Variants in NUB1 observed in about 807,000 individuals in gnomAD.
NUB1 encodes NEDD8 ultimate buster 1.
NUB1 carries 41 observed loss-of-function variants against 77.1 expected under a neutral mutation model. The observed-to-expected ratio is 0.53, with a 90% confidence interval of 0.41 to 0.69. NUB1 has a LOEUF of 0.69. NUB1 is among the 30% of genes least tolerant of loss of function. NUB1 has a pLI of 0.00. For synonymous variants in NUB1, 257 were observed against 281.0 expected, an observed-to-expected ratio of 0.91 and a Z score of 0.85; for missense variants, 643 against 743.8, an observed-to-expected ratio of 0.86 and a Z score of 1.58.
intron 8 of NUB1, among the ~76,000 whole-genome samples, chr7:151,363,750 T>C (rs1477912765): frequency 7.6e-5 from 11 of 145,050 alleles, no homozygotes; most frequent in Admixed American, 7.3e-4. Flanking sequence ...TAACCTTTCT[T>C]GAAAAAAGTT....
At position 151,375,772 on chromosome 7, in the gene NUB1, A is replaced by G. The variant is rs1798187927; in HGVS notation, c.1396-76A>G. Reference sequence around the variant, plus strand: ...GAGGACGGCGGGGTCTGCCTAGCACATGGCAGGGTGCAGCGCCTGTCTGAA... The same window carrying G: ...GAGGACGGCGGGGTCTGCCTAGCACGTGGCAGGGTGCAGCGCCTGTCTGAA... On this transcript the variant is annotated intron_variant, in intron 12 of 14. Transcript: ENST00000568733. 3.2e-5 allele frequency: 31 copies of G among 977,436 alleles called. No homozygotes were observed. The South Asian group carries it at 3.7e-4, about 12-fold the overall frequency. 60.5% of individuals were successfully genotyped at this position (977,436 alleles called of 1,614,324 possible).
At position 151,341,854 on chromosome 7, in the gene NUB1, C is replaced by T; in HGVS notation, c.-3+8C>T. The T allele has an allele frequency of 1.3e-6, 2 of 1,498,900 alleles. No homozygotes were observed. The highest frequency in any genetic ancestry group is 1.8e-6 in the Non-Finnish European group (2 of 1,133,474). The allele number at this position is 1,498,900 out of a possible 1,614,324, so 92.9% of individuals were successfully genotyped here. The stretch of plus-strand genomic sequence containing the variant: ...GGGAGTGGCGTGGCGCAGGTGAGGA[C>T]ACGGCGGCCGAGTGTCCTCGACCCC... On this transcript the variant is annotated splice_region_variant and intron_variant, in intron 1 of 14. Coordinates refer to ENST00000568733, the MANE Select transcript of NUB1 (RefSeq NM_001243351.2).
chr7:151,371,363 A>ACCCC (rs57489077), intron 11 of NUB1, among the ~76,000 whole-genome samples: 3 of 118,770 alleles, frequency 2.5e-5, no homozygotes, highest in East Asian at 2.5e-4. Context: ...TTTTACCCCC[A>ACCCC]CCCCCCACCC....
In NUB1 at chr7:151,348,977, A is replaced by G. The variant is rs142590700; in HGVS notation, c.118-96A>G. ...CAGTGTAACGGGGCGACCTCCACTC[A>G]TCAGAGTTGATGGCCTTAGAGTCTT... On this transcript the variant is annotated intron_variant, in intron 2 of 14. Transcript: ENST00000568733. 2.0e-4 allele frequency: 223 copies of G among 1,113,948 alleles called. 1 individual carries two copies. The African/African-American group carries it at 3.0e-3, about 15-fold the overall frequency. 69.0% of individuals were successfully genotyped at this position (1,113,948 alleles called of 1,614,324 possible). A position where few individuals can be genotyped will look rare whatever the true frequency, so the allele number is the denominator to read the frequency against.
chr7:151,375,243 A>G (rs755371750), intron 12 of NUB1, among the ~76,000 whole-genome samples: 3 of 152,226 alleles, frequency 2.0e-5, no homozygotes, highest in Non-Finnish European at 4.4e-5. Flanking sequence ...TTATTTGAAT[A>G]TCATCTAGTT....
intron 1 of NUB1, among the ~76,000 whole-genome samples, chr7:151,344,987 G>C (rs543598645): frequency 2.6e-5 from 4 of 152,108 alleles, no homozygotes; most frequent in African/African-American, 7.2e-5. Context: ...GCGACAGAGC[G>C]AGACTCCGTC....
chr7:151,373,160 G>T (rs995424765), intron 11 of NUB1, among the ~76,000 whole-genome samples: 6 of 152,168 alleles, frequency 3.9e-5, no homozygotes, highest in Non-Finnish European at 8.8e-5. Flanking sequence ...GAAGGAGTCT[G>T]TTTTCTCCCC....
At chr7:151,370,050 T>C (rs577814740) in intron 11 of NUB1, among the ~76,000 whole-genome samples, 192 of 152,244 alleles carry the variant, frequency 1.3e-3, no homozygotes, top group African/African-American at 4.5e-3. Flanking sequence ...GGTCTTGCTA[T>C]AGAAGTCAAT....
chr7:151,372,704 G>A (rs1377285987), intron 11 of NUB1, among the ~76,000 whole-genome samples: 1 of 152,166 alleles, frequency 6.6e-6, no homozygotes, highest in Admixed American at 6.5e-5. Flanking sequence ...AGGAGCTGGT[G>A]CCTCAGTGTG....
At chr7:151,350,094 A>C (rs997770655) in intron 3 of NUB1, among the ~76,000 whole-genome samples, 4 of 152,204 alleles carry the variant, frequency 2.6e-5, no homozygotes, top group African/African-American at 9.6e-5. Flanking sequence ...AGCTTACGTC[A>C]TTATTTCTTC....
intron 8 of NUB1, among the ~76,000 whole-genome samples, chr7:151,363,386 TAGAAG>T (rs1425867347): frequency 1.3e-5 from 2 of 150,268 alleles, no homozygotes; most frequent in African/African-American, 2.5e-5. Context: ...ATAGACACTA[TAGAAG>T]AGAAGATTAG....
chr7:151,349,466 G>T (rs1196360520), intron 3 of NUB1, among the ~76,000 whole-genome samples: 1 of 152,232 alleles, frequency 6.6e-6, no homozygotes, highest in Non-Finnish European at 1.5e-5. Context: ...ATGCCACAGA[G>T]CTGTATGTCA....
At chr7:151,346,779 T>A (rs1485177363) in intron 2 of NUB1, among the ~76,000 whole-genome samples, 1 of 152,238 alleles carries the variant, frequency 6.6e-6, no homozygotes, top group Non-Finnish European at 1.5e-5. Context: ...TGAACTATAT[T>A]CATAAGTATA....
At chr7:151,368,117 G>A in intron 10 of NUB1, 149 bp downstream of exon 10, 1 of 598,680 alleles carries the variant, frequency 1.7e-6, no homozygotes, top group South Asian at 2.1e-5. Context: ...AAACATATTT[G>A]TATATGTTAG....
At chr7:151,348,505 A>G (rs1271626241) in intron 2 of NUB1, among the ~76,000 whole-genome samples, 4 of 135,592 alleles carry the variant, frequency 3.0e-5, no homozygotes, top group Non-Finnish European at 4.8e-5. Context: ...TATTATTATT[A>G]TTATTTTACT....
chr7:151,358,489 C>T lies in NUB1; in HGVS notation c.694-1652C>T, dbSNP rs537266567. 3.9e-5 allele frequency among the ~76,000 whole-genome samples: 6 copies of T among 152,288 alleles called. No individual in the cohort carries two copies. The South Asian group carries it at 6.2e-4, about 16-fold the overall frequency. ...TGAGCTCCACCTCCTGTCAGATCAGCGGCGGCATTAGAGTCTTAGGAGCAT... is the reference window on the plus strand; with the variant it reads ...TGAGCTCCACCTCCTGTCAGATCAGTGGCGGCATTAGAGTCTTAGGAGCAT... On this transcript the variant is annotated intron_variant, in intron 7 of 14. Coordinates refer to ENST00000568733, the MANE Select transcript of NUB1 (RefSeq NM_001243351.2).
intron 5 of NUB1, among the ~76,000 whole-genome samples, chr7:151,355,352 T>TGCA (rs1433848966): frequency 1.5e-4 from 23 of 152,184 alleles, no homozygotes; most frequent in African/African-American, 4.6e-4. Context: ...TTTTTACCAA[T>TGCA]TATGTGGCGT....
intron 5 of NUB1, among the ~76,000 whole-genome samples, chr7:151,355,003 CA>C (rs1796997608): frequency 6.6e-6 from 1 of 152,190 alleles, no homozygotes; most frequent in African/African-American, 2.4e-5. Flanking sequence ...CTCAGCCTGC[CA>C]AAGTACTGAG....
chr7:151,361,539 G>A (rs556616499), intron 8 of NUB1, among the ~76,000 whole-genome samples: 2 of 152,340 alleles, frequency 1.3e-5, no homozygotes, highest in African/African-American at 4.8e-5. Context: ...AGACTATGAT[G>A]CAGACATATT....
Sources: allele counts gnomAD v4.1 joint callset (sites outside exome capture counted in the v4.1 genomes callset), GRCh38; gene constraint gnomAD v4.1.1; transcripts MANE v1.5; gene names NCBI Gene and HGNC (gene_info 2026-07-23, HGNC 2026-07-21).